The following ZNG1E variants were observed in gnomAD, a reference collection of about 807,000 sequenced individuals.
ZNG1E encodes the protein zinc-regulated GTPase metalloprotein activator 1E.
the ZNG1E span, among the ~76,000 whole-genome samples, chr9:65,671,670 T>C: frequency 1.3e-5 from 2 of 152,144 alleles, no homozygotes; most frequent in Non-Finnish European, 2.9e-5. Flanking sequence ...TACTTTTCTG[T>C]AAGGGATAGA....
At chr9:65,719,805 C>T in the ZNG1E span, 1 of 513,314 alleles carries the variant, frequency 1.9e-6, no homozygotes, top group East Asian at 3.0e-5. Flanking sequence ...ACTAGTTTTT[C>T]TCTTTATTCT....
chr9:65,685,120 A>G, the ZNG1E span, among the ~76,000 whole-genome samples: 1 of 152,200 alleles, frequency 6.6e-6, no homozygotes, highest in Non-Finnish European at 1.5e-5. Context: ...AGAATTGTCT[A>G]AAAAACATAC....
the ZNG1E span, among the ~76,000 whole-genome samples, chr9:65,663,456 TC>T: frequency 6.6e-6 from 1 of 150,906 alleles, no homozygotes; most frequent in East Asian, 1.9e-4. Flanking sequence ...ACTCTTTCTA[TC>T]CAACTTTTTC....
At chr9:65,666,883 C>G in the ZNG1E span, among the ~76,000 whole-genome samples, 4 of 151,864 alleles carry the variant, frequency 2.6e-5, no homozygotes, top group African/African-American at 9.7e-5. Context: ...TGCAATGGCA[C>G]GATCTTGGCT....
the ZNG1E span, among the ~76,000 whole-genome samples, chr9:65,693,792 A>G: frequency 5.3e-5 from 8 of 151,984 alleles, no homozygotes; most frequent in South Asian, 1.5e-3. Context: ...CCTGACCTCA[A>G]GTGATCCACT....
chr9:65,714,325 T>G, the ZNG1E span, among the ~76,000 whole-genome samples: 1 of 151,624 alleles, frequency 6.6e-6, no homozygotes, highest in Admixed American at 6.6e-5. Context: ...CTTGGAGTAA[T>G]TTGATCGTCT....
the ZNG1E span, among the ~76,000 whole-genome samples, chr9:65,715,495 A>G: frequency 6.8e-6 from 1 of 147,832 alleles, no homozygotes; most frequent in Non-Finnish European, 1.5e-5. Flanking sequence ...AAGGGAGAGA[A>G]GAAAGATTAG....
chr9:65,657,958 G>C, the ZNG1E span, among the ~76,000 whole-genome samples: 5 of 152,382 alleles, frequency 3.3e-5, no homozygotes, highest in East Asian at 7.7e-4. Flanking sequence ...AGTTAGCTGG[G>C]CATGGCGGCT....
At chr9:65,684,546 G>GCACACGCACACA in the ZNG1E span, among the ~76,000 whole-genome samples, 8 of 139,584 alleles carry the variant, frequency 5.7e-5, no homozygotes, top group Admixed American at 4.3e-4. Context: ...ACACACACAC[G>GCACACGCACACA]CACGCACACA....
the ZNG1E span, among the ~76,000 whole-genome samples, chr9:65,656,614 C>T: frequency 1.3e-5 from 2 of 152,376 alleles, no homozygotes; most frequent in African/African-American, 4.8e-5. Context: ...GATAATGGTC[C>T]CTCTCCCAGC....
the ZNG1E span, among the ~76,000 whole-genome samples, chr9:65,710,640 G>A: frequency 5.3e-5 from 8 of 152,004 alleles, no homozygotes; most frequent in Non-Finnish European, 1.2e-4. Flanking sequence ...GTTTTTCTCA[G>A]GTTTGTCAAA....
chr9:65,672,449 TA>T, the ZNG1E span, among the ~76,000 whole-genome samples: 867 of 142,966 alleles, frequency 6.1e-3, 3 homozygotes, highest in Non-Finnish European at 6.4e-3. Flanking sequence ...TCTTATAAGT[TA>T]AAAAAAAAAA....
At chr9:65,684,257 C>A in the ZNG1E span, among the ~76,000 whole-genome samples, 3 of 151,790 alleles carry the variant, frequency 2.0e-5, no homozygotes, top group Non-Finnish European at 4.4e-5. Context: ...CAAGTAAGGG[C>A]TGGGCATGGT....
the ZNG1E span, chr9:65,703,761 G>A: frequency 1.2e-5 from 12 of 969,986 alleles, no homozygotes; most frequent in Non-Finnish European, 1.3e-5. Flanking sequence ...TGAGTGGCTT[G>A]TCTGCTATGG....
At chr9:65,717,887 A>G in the ZNG1E span, among the ~76,000 whole-genome samples, 1 of 146,012 alleles carries the variant, frequency 6.8e-6, no homozygotes, top group Admixed American at 6.9e-5. Context: ...AGGTTTTGCC[A>G]TGTTGCTGAA....
the ZNG1E span, among the ~76,000 whole-genome samples, chr9:65,671,637 A>G: frequency 6.6e-6 from 1 of 152,220 alleles, no homozygotes; most frequent in Admixed American, 6.5e-5. Context: ...CTTTTTTCTA[A>G]GTAATCTGTT....
chr9:65,663,999 C>A, the ZNG1E span, among the ~76,000 whole-genome samples: 2 of 152,226 alleles, frequency 1.3e-5, no homozygotes, highest in Non-Finnish European at 2.9e-5. Flanking sequence ...TATATGAGCA[C>A]ATATTAATAT....
At chr9:65,714,775 G>A in the ZNG1E span, among the ~76,000 whole-genome samples, 3 of 151,706 alleles carry the variant, frequency 2.0e-5, no homozygotes, top group Non-Finnish European at 2.9e-5. Context: ...CCAGCTGTGT[G>A]CTGGGAGAAC....
the ZNG1E span, among the ~76,000 whole-genome samples, chr9:65,675,265 A>C: frequency 6.6e-6 from 1 of 152,258 alleles, no homozygotes; most frequent in African/African-American, 2.4e-5. Flanking sequence ...TATTAGAAAG[A>C]AGGGCTATCT....
Sources: allele counts gnomAD v4.1 joint callset (sites outside exome capture counted in the v4.1 genomes callset), GRCh38; gene constraint gnomAD v4.1.1; transcripts MANE v1.5; gene names NCBI Gene and HGNC (gene_info 2026-07-23, HGNC 2026-07-21).